Variants in GRID2 observed in about 807,000 individuals in gnomAD.
GRID2 encodes the protein glutamate ionotropic receptor delta type subunit 2, also known as glutamate receptor ionotropic, delta-2.
GRID2 carries 33 observed loss-of-function variants against 114.8 expected under a neutral mutation model. The ratio of observed to expected loss-of-function variants is 0.29; its 90% CI spans 0.22 to 0.38. GRID2 has a LOEUF of 0.38. Among genes scored for constraint, GRID2 ranks in the 10% least tolerant of loss-of-function variants. The probability of loss-of-function intolerance (pLI) is 1.00; values close to 1 mark genes in which losing one functional copy is unlikely to be tolerated. For synonymous variants in GRID2, 505 were observed against 449.9 expected (o/e 1.12, Z -1.55); for missense variants, 1,184 against 1,257.7 (o/e 0.94, Z 0.89).
chr4:92,418,993 G>A (rs959863101), intron 1 of GRID2, among the ~76,000 whole-genome samples: 1 of 151,936 alleles, frequency 6.6e-6, no homozygotes, highest in Non-Finnish European at 1.5e-5. Context: ...CCTTTCTCTC[G>A]TCTCTTTCTT....
intron 8 of GRID2, among the ~76,000 whole-genome samples, chr4:93,353,539 G>A (rs1044137877): frequency 6.6e-6 from 1 of 151,934 alleles, no homozygotes; most frequent in South Asian, 2.1e-4. Flanking sequence ...AAGAAAATGG[G>A]CATCCAAAGA....
chr4:92,931,387 A>G (rs537613312), intron 2 of GRID2, among the ~76,000 whole-genome samples: 13 of 151,126 alleles, frequency 8.6e-5, no homozygotes, highest in Admixed American at 5.3e-4. Context: ...GTTACAGATG[A>G]ATCACTGAAT....
intron 2 of GRID2, among the ~76,000 whole-genome samples, chr4:92,990,517 G>A (rs1754827152): frequency 1.3e-5 from 2 of 151,532 alleles, no homozygotes; most frequent in Admixed American, 1.3e-4. Flanking sequence ...GATTCATCAC[G>A]TTAGCCAGGC....
intron 13 of GRID2, among the ~76,000 whole-genome samples, chr4:93,583,437 TC>T (rs1478906034): frequency 6.6e-6 from 1 of 152,122 alleles, no homozygotes; most frequent in East Asian, 1.9e-4. Context: ...TTGATCCAGT[TC>T]TTGGGAATTT....
chr4:93,799,494 G>T (rs897566912), intron 1 of GRID2, among the ~76,000 whole-genome samples: 2 of 151,718 alleles, frequency 1.3e-5, no homozygotes, highest in Non-Finnish European at 2.9e-5. Context: ...TATTTGAGGG[G>T]AGGGAATCAA....
At chr4:93,030,419 C>G (rs1724298335) in intron 2 of GRID2, among the ~76,000 whole-genome samples, 1 of 149,606 alleles carries the variant, frequency 6.7e-6, no homozygotes, top group African/African-American at 2.5e-5. Context: ...GAGTCTCACT[C>G]TAGTGCTCAG....
chr4:92,314,768 G>A (rs773379919), intron 1 of GRID2, among the ~76,000 whole-genome samples: 8 of 151,954 alleles, frequency 5.3e-5, no homozygotes, highest in Admixed American at 1.3e-4. Context: ...TTGTTTATAC[G>A]CAACTATTCC....
chr4:92,652,746 G>A (rs997658778), intron 2 of GRID2, among the ~76,000 whole-genome samples: 3 of 141,290 alleles, frequency 2.1e-5, no homozygotes, highest in African/African-American at 2.6e-5. Context: ...TGGGGGGGTT[G>A]GGGGGTGGAT....
At chr4:93,102,743 A>G (rs1731820049) in intron 3 of GRID2, among the ~76,000 whole-genome samples, 1 of 151,146 alleles carries the variant, frequency 6.6e-6, no homozygotes, top group Non-Finnish European at 1.5e-5. Context: ...TTAAAAATAA[A>G]AGACATCAAC....
At chr4:92,693,362 G>T (rs1212554684) in intron 2 of GRID2, among the ~76,000 whole-genome samples, 1 of 152,122 alleles carries the variant, frequency 6.6e-6, no homozygotes, top group Non-Finnish European at 1.5e-5. Flanking sequence ...AAATCCTGTA[G>T]ACATAAATAT....
At chr4:93,686,038 T>C (rs1369335276) in intron 14 of GRID2, among the ~76,000 whole-genome samples, 7 of 152,000 alleles carry the variant, frequency 4.6e-5, no homozygotes, top group Admixed American at 4.6e-4. Flanking sequence ...GCAGATGCAG[T>C]TATTATTCTA....
chr4:93,637,115 T>C (rs1235227813), intron 14 of GRID2, among the ~76,000 whole-genome samples: 1 of 152,140 alleles, frequency 6.6e-6, no homozygotes, highest in Admixed American at 6.6e-5. Context: ...CATTACTTCA[T>C]AGACACAAGA....
chr4:92,520,273 CTTAAATA>C (rs1724700518), intron 1 of GRID2, among the ~76,000 whole-genome samples: 1 of 151,334 alleles, frequency 6.6e-6, no homozygotes, highest in Non-Finnish European at 1.5e-5. Flanking sequence ...ATTAATAATA[CTTAAATA>C]TTAGAATATG....
intron 8 of GRID2, among the ~76,000 whole-genome samples, chr4:93,333,164 G>T (rs1416204194): frequency 7.1e-6 from 1 of 140,020 alleles, no homozygotes; most frequent in Non-Finnish European, 1.5e-5. Flanking sequence ...TCTCTAGAAA[G>T]CCTTCTGATA....
At chr4:92,792,452 A>G (rs867571453) in intron 2 of GRID2, among the ~76,000 whole-genome samples, 5 of 117,388 alleles carry the variant, frequency 4.3e-5, no homozygotes, top group Non-Finnish European at 8.6e-5. Flanking sequence ...TTAGCAGGCA[A>G]GAGAACACAC....
intron 2 of GRID2, among the ~76,000 whole-genome samples, chr4:92,882,540 G>T (rs1746104068): frequency 6.6e-6 from 1 of 151,790 alleles, no homozygotes. Flanking sequence ...TATATTAGGG[G>T]TTTTCAGTTA....
intron 1 of GRID2, among the ~76,000 whole-genome samples, chr4:92,309,128 A>C (rs988131392): frequency 1.3e-5 from 2 of 152,058 alleles, no homozygotes; most frequent in Non-Finnish European, 2.9e-5. Flanking sequence ...AAATAGGAAT[A>C]AAAATCCAGG....
chr4:92,975,718 C>T (rs763699044), intron 2 of GRID2, among the ~76,000 whole-genome samples: 46 of 152,206 alleles, frequency 3.0e-4, no homozygotes, highest in South Asian at 1.4e-3. Flanking sequence ...TATCATAGCA[C>T]AGCAGCATAT....
intron 2 of GRID2, among the ~76,000 whole-genome samples, chr4:92,662,595 A>C (rs1448206312): frequency 6.6e-6 from 1 of 151,212 alleles, no homozygotes; most frequent in Non-Finnish European, 1.5e-5. Context: ...AAGAATAAAA[A>C]AAAAAGGTAA....
Sources: allele counts gnomAD v4.1 joint callset (sites outside exome capture counted in the v4.1 genomes callset), GRCh38; gene constraint gnomAD v4.1.1; transcripts MANE v1.5; gene names NCBI Gene and HGNC (gene_info 2026-07-23, HGNC 2026-07-21).